The following FAP variants were observed in gnomAD, a reference collection of about 807,000 sequenced individuals.
FAP encodes fibroblast activation protein alpha, also known as prolyl endopeptidase FAP.
A neutral mutation model predicts 126.5 loss-of-function variants in FAP; 110 were observed. The observed-to-expected ratio is 0.87, with a 90% CI of 0.74 to 1.02. FAP has a LOEUF of 1.02. Among genes scored for constraint, FAP ranks in the 50% least tolerant of loss-of-function variants. The pLI, the probability that FAP is intolerant of heterozygous loss-of-function variation, is 0.00. For missense variants in FAP, 919 were observed against 909.2 expected, an observed-to-expected ratio of 1.01 and a Z score of -0.14; for synonymous variants, 334 against 297.3, an observed-to-expected ratio of 1.12 and a Z score of -1.27.
intron 2 of FAP, among the ~76,000 whole-genome samples, chr2:162,235,173 C>T (rs1436566411): frequency 1.3e-5 from 2 of 151,878 alleles, no homozygotes; most frequent in Non-Finnish European, 1.5e-5. Context: ...CACCGCCCGC[C>T]CCCTGTCACC....
At chr2:162,221,700 C>A (rs999379780) in intron 6 of FAP, 1 of 456,562 alleles carries the variant, frequency 2.2e-6, no homozygotes, top group Non-Finnish European at 4.4e-6. Context: ...CAAGCCATCA[C>A]AGCTGCCATT....
intron 18 of FAP, 72 bp from the exon 19 acceptor site, chr2:162,189,244 C>A: frequency 1.3e-6 from 1 of 790,558 alleles, no homozygotes. Context: ...TCTTTAATAA[C>A]AATATATGCA....
intron 20 of FAP, among the ~76,000 whole-genome samples, chr2:162,185,121 G>T (rs1256850005): frequency 2.6e-5 from 4 of 152,084 alleles, no homozygotes; most frequent in African/African-American, 9.7e-5. Context: ...TTTCCCAGAG[G>T]GTTGTAAATA....
chr2:162,173,353 C>G (rs1169223577), intron 23 of FAP, 132 bp from the exon 24 acceptor site: 1 of 680,358 alleles, frequency 1.5e-6, no homozygotes, highest in Non-Finnish European at 2.6e-6. Context: ...ATTTAAGAGT[C>G]AGAGCAACAC....
At chr2:162,198,135 A>G in intron 16 of FAP, 1 of 1,242,546 alleles carries the variant, frequency 8.0e-7, no homozygotes, top group Non-Finnish European at 1.0e-6. Context: ...AATGTTTTGT[A>G]GATTTTATTA....
intron 20 of FAP, among the ~76,000 whole-genome samples, chr2:162,185,419 A>G (rs889968967): frequency 1.3e-5 from 2 of 152,144 alleles, no homozygotes; most frequent in African/African-American, 4.8e-5. Context: ...AAAGTGCCAA[A>G]TATACTCCAA....
At position 162,216,964 on chromosome 2, in the gene FAP, C is replaced by T. The variant is rs1358044456; in HGVS notation, c.763-963G>A. Among the ~76,000 whole-genome samples the T allele has an allele frequency of 4.6e-5, 7 of 152,360 alleles. No individual in the cohort carries two copies. The East Asian group carries it at 7.7e-4, about 17-fold the overall frequency. On this transcript the variant is annotated intron_variant, in intron 9 of 25. Transcript: ENST00000188790. Reference sequence around the variant, plus strand: ...TTCAGTTCTGGGTTCCCCGTCTCTTCCTGCTCCCATAGGTCCTCCCAAAGA... The same window carrying T: ...TTCAGTTCTGGGTTCCCCGTCTCTTTCTGCTCCCATAGGTCCTCCCAAAGA...
chr2:162,198,525 G>T (rs1688354558), intron 16 of FAP: 1 of 704,960 alleles, frequency 1.4e-6, no homozygotes, highest in Non-Finnish European at 2.2e-6. Flanking sequence ...CTGCAGTGCG[G>T]ACCTTTTGGC....
intron 2 of FAP, among the ~76,000 whole-genome samples, chr2:162,227,894 C>G (rs552275981): frequency 2.1e-4 from 32 of 152,122 alleles, no homozygotes; most frequent in Non-Finnish European, 4.3e-4. Context: ...CTGAGAAGCC[C>G]TTTCTGACCC....
intron 2 of FAP, among the ~76,000 whole-genome samples, chr2:162,229,165 A>G (rs1310147911): frequency 6.6e-6 from 1 of 152,118 alleles, no homozygotes; most frequent in East Asian, 1.9e-4. Flanking sequence ...TACTTGTGTT[A>G]TGCTTAATTA....
Position 162,170,839 on chromosome 2 carries a change from T to C in FAP, c.*140A>G. 2 of 616,436 alleles carry C rather than the reference T, an allele frequency of 3.2e-6. No homozygotes were observed. The highest frequency in any genetic ancestry group is 4.8e-5 in the South Asian group (2 of 41,318). 38.2% of individuals were successfully genotyped at this position (616,436 alleles called of 1,614,324 possible). Reference sequence around the variant, plus strand: ...GCTTGAACTTCTGAGTCCTCATCTTTTTTTTAACAGCCTTTAGAACAACAT... The same window carrying C: ...GCTTGAACTTCTGAGTCCTCATCTTCTTTTTAACAGCCTTTAGAACAACAT... On this transcript the variant is annotated 3_prime_UTR_variant, in exon 26 of 26. Transcript: ENST00000188790.
At chr2:162,196,350 G>C (rs2106236893) in intron 16 of FAP, among the ~76,000 whole-genome samples, 1 of 152,062 alleles carries the variant, frequency 6.6e-6, no homozygotes, top group African/African-American at 2.4e-5. Flanking sequence ...TTTTCATTTT[G>C]GCCAGTTTTT....
chr2:162,175,519 T>A (rs1978378), intron 21 of FAP: 152,033 of 152,432 alleles, frequency 1, 75,817 homozygotes, highest in Non-Finnish European at 1. Context: ...TTTGTGTATG[T>A]TGTAGTGGTA....
At chr2:162,216,598 G>A (rs1440231583) in intron 9 of FAP, among the ~76,000 whole-genome samples, 2 of 152,110 alleles carry the variant, frequency 1.3e-5, no homozygotes, top group African/African-American at 4.8e-5. Context: ...CTATACTACT[G>A]TATGCTTAAA....
intron 16 of FAP, chr2:162,197,730 G>A (rs1333628003): frequency 9.1e-6 from 4 of 441,632 alleles, no homozygotes; most frequent in Admixed American, 7.4e-5. Flanking sequence ...AGATCTTCAG[G>A]GCCTCTGCAA....
Position 162,183,505 on chromosome 2 carries a change from G to T in FAP, c.1815-37C>A, listed in dbSNP as rs1687762460. On this transcript the variant is annotated intron_variant, in intron 20 of 25. Transcript: ENST00000188790. Reference sequence around the variant, plus strand: ...GAAACAAATTTTTAGAATGTTAAGTGTATACACATGACATTTACTTCATTA... The same window carrying T: ...GAAACAAATTTTTAGAATGTTAAGTTTATACACATGACATTTACTTCATTA... The T allele has an allele frequency of 5.1e-6, 6 of 1,172,420 alleles. No homozygotes were observed. In the East Asian group the frequency reaches 7.0e-5, roughly 14 times the overall value. 72.6% of individuals were successfully genotyped at this position (1,172,420 alleles called of 1,614,324 possible).
At chr2:162,179,684 G>A (rs1041673715) in intron 21 of FAP, among the ~76,000 whole-genome samples, 6 of 151,916 alleles carry the variant, frequency 3.9e-5, no homozygotes, top group African/African-American at 1.5e-4. Flanking sequence ...AGGAAAAGGT[G>A]GGGAATGGAA....
At chr2:162,195,175 T>C (rs1266912327) in intron 16 of FAP, 1 of 198,132 alleles carries the variant, frequency 5.0e-6, no homozygotes, top group East Asian at 1.3e-4. Flanking sequence ...GTTCAGCTTA[T>C]TTAGATGGGT....
intron 2 of FAP, among the ~76,000 whole-genome samples, chr2:162,234,830 G>A (rs1172627954): frequency 6.6e-6 from 1 of 152,126 alleles, no homozygotes; most frequent in East Asian, 1.9e-4. Context: ...GCTGGAGCCG[G>A]CTCCCTTGGC....
Sources: gnomAD v4.1 joint callset for allele counts (sites outside exome capture counted in the v4.1 genomes callset) on GRCh38, gnomAD v4.1.1 for gene constraint, MANE v1.5 for transcripts, NCBI Gene and HGNC (gene_info 2026-07-23, HGNC 2026-07-21) for gene names.